AMPD3: variants seen among roughly 807,000 people sequenced by gnomAD.
The protein encoded by AMPD3 is AMP deaminase 3.
Under a neutral mutation model 82.3 loss-of-function variants are expected in AMPD3, and 57 were observed. The observed-to-expected ratio is 0.69, with a 90% CI of 0.56 to 0.86. The LOEUF (loss-of-function observed/expected upper bound fraction) is 0.86, where lower values mean the gene tolerates loss of function less well. AMPD3 is among the 40% of genes least tolerant of loss of function. The pLI, the probability that AMPD3 is intolerant of heterozygous loss-of-function variation, is 0.00. For missense variants in AMPD3, 870 were observed against 1,003.8 expected, an observed-to-expected ratio of 0.87 and a Z score of 1.80; for synonymous variants, 381 against 394.7, an observed-to-expected ratio of 0.97 and a Z score of 0.41.
chr11:10,505,956 T>G lies in AMPD3; in HGVS notation c.*72T>G. 6.4e-7 allele frequency: 1 copy of G among 1,571,618 alleles called. No individual in the cohort carries two copies. ...CTGCTGTGGCTAATAGTGGTCAAGA[T>G]TCCGAACTAGGACTTTCCTCTGTGA... On this transcript the variant is annotated 3_prime_UTR_variant, in exon 15 of 15. Transcript: ENST00000396553.
rs1369868784 is a variant in AMPD3, at chr11:10,455,294, C to G, written c.-160C>G. 3.0e-6 allele frequency: 3 copies of G among 985,346 alleles called. No individual in the cohort carries two copies. The highest frequency in any genetic ancestry group is 3.6e-6 in the Non-Finnish European group (3 of 829,978). 61.0% of individuals were successfully genotyped at this position (985,346 alleles called of 1,614,324 possible). A position where few individuals can be genotyped will look rare whatever the true frequency, so the allele number is the denominator to read the frequency against. ...CCTAAAGGGCAGATGAAGATCAGAG[C>G]TTTGCACCCTGTGATGCCATTTTAA... On this transcript the variant is annotated 5_prime_UTR_variant, in exon 1 of 15. Transcript: ENST00000396553.
At chr11:10,501,943 G>A in intron 12 of AMPD3, 1 of 985,188 alleles carries the variant, frequency 1.0e-6, no homozygotes, top group Non-Finnish European at 1.2e-6. Flanking sequence ...CCTTACTGTT[G>A]TATGACAAGC....
chr11:10,491,115 T>C (rs1215223857), intron 6 of AMPD3, among the ~76,000 whole-genome samples: 2 of 152,144 alleles, frequency 1.3e-5, no homozygotes, highest in Non-Finnish European at 1.5e-5. Flanking sequence ...GTCAGCCGCC[T>C]CCTCACCCCA....
At chr11:10,466,153 T>C (rs1035186316) in intron 2 of AMPD3, among the ~76,000 whole-genome samples, 1 of 152,010 alleles carries the variant, frequency 6.6e-6, no homozygotes, top group Non-Finnish European at 1.5e-5. Context: ...TCCCAGTTAC[T>C]TGGGAGGTTG....
chr11:10,450,698 C>T, upstream of AMPD3: 1 of 1,069,390 alleles, frequency 9.4e-7, no homozygotes, highest in Non-Finnish European at 1.1e-6. Context: ...CTCAAGTTTC[C>T]CGTTGGCGGC....
In AMPD3 at chr11:10,493,497, A is replaced by G; in HGVS notation, c.1088A>G (p.His363Arg). Residue 363 changes from histidine to arginine, a missense_variant, in exon 7 of 15, where the codon CAC becomes CGC. Transcript: ENST00000396553. ...ITLRQVFDGLHMDPYDLTVDS... is the reference protein window; with the variant it reads ...ITLRQVFDGLRMDPYDLTVDS... Reference sequence around the variant, plus strand: ...CTGCGGCAGGTGTTTGACGGCCTGCACATGGACCCCTACGACCTCACTGTG... The same window carrying G: ...CTGCGGCAGGTGTTTGACGGCCTGCGCATGGACCCCTACGACCTCACTGTG... The G allele has an allele frequency of 6.2e-7, 1 of 1,614,218 alleles. No individual in the cohort carries two copies. Among genetic ancestry groups the G allele is most frequent in the Non-Finnish European group, 8.5e-7 (1 of 1,180,036 alleles).
In AMPD3 at chr11:10,505,688, G is replaced by A. The variant is rs1297455219; in HGVS notation, c.2128-20G>A. ...GAATCAAAAGTATATAGTTTCATTTGTATTTCTCTTGGTCCACAGGAAAAG... is the reference window on the plus strand; with the variant it reads ...GAATCAAAAGTATATAGTTTCATTTATATTTCTCTTGGTCCACAGGAAAAG... On this transcript the variant is annotated intron_variant, in intron 14 of 14. Coordinates refer to ENST00000396553, the MANE Select transcript of AMPD3 (RefSeq NM_001025389.2). 6.2e-7 allele frequency: 1 copy of A among 1,612,100 alleles called. No individual in the cohort carries two copies. Among genetic ancestry groups the A allele is most frequent in the Non-Finnish European group, 8.5e-7 (1 of 1,179,918 alleles).
upstream of AMPD3, chr11:10,455,075 G>A: frequency 1.2e-6 from 1 of 860,204 alleles, no homozygotes; most frequent in Non-Finnish European, 1.4e-6. Flanking sequence ...TGGACATGCG[G>A]AGGTGACTCA....
chr11:10,458,582 A>G (rs1564837584), intron 1 of AMPD3, among the ~76,000 whole-genome samples: 1 of 152,148 alleles, frequency 6.6e-6, no homozygotes, highest in Non-Finnish European at 1.5e-5. Context: ...TTCACTGTAA[A>G]TAAAGCATGG....
chr11:10,505,321 G>T (rs1448366185), intron 14 of AMPD3: 4 of 985,250 alleles, frequency 4.1e-6, no homozygotes, highest in Non-Finnish European at 3.6e-6. Flanking sequence ...CTTTTCATGC[G>T]CAGTGTGGTG....
chr11:10,451,062 G>C (rs752881937), upstream of AMPD3: 4 of 1,571,368 alleles, frequency 2.5e-6, no homozygotes, highest in Admixed American at 1.7e-5. Flanking sequence ...GCGCGAGGCT[G>C]CGCTGCTGAC....
rs571359004 is a variant in AMPD3 at position 10,502,389 on chromosome 11, C to T, written c.1843-332C>T. On this transcript the variant is annotated intron_variant, in intron 12 of 14. Transcript: ENST00000396553. ...GGCATCTTCTAGACTGGGTCCGTGC[C>T]TAGGAGAAAGGAGCTGAAGGTGTAG... The T allele has an allele frequency of 3.0e-6, 3 of 985,472 alleles. No homozygotes were observed. The African/African-American group carries it at 5.2e-5, about 17-fold the overall frequency. The allele number at this position is 985,472 out of a possible 1,614,324, so 61.0% of individuals were successfully genotyped here.
At chr11:10,498,304 T>C (rs1158642204) in intron 10 of AMPD3, 1 of 152,376 alleles carries the variant, frequency 6.6e-6, no homozygotes, top group Non-Finnish European at 1.5e-5. Context: ...GTGCCTGGCT[T>C]TGCAGGAGCA....
chr11:10,477,064 T>C (rs1848762070), intron 2 of AMPD3: 1 of 985,360 alleles, frequency 1.0e-6, no homozygotes. Context: ...GCACTGGGTG[T>C]GTAAACACGG....
intron 1 of AMPD3, 63 bp from the exon 2 acceptor site, chr11:10,461,452 T>C: frequency 6.2e-7 from 1 of 1,611,798 alleles, no homozygotes; most frequent in Non-Finnish European, 8.5e-7. Context: ...TTCAGTGCCT[T>C]CTCTTCCCCG....
Position 10,504,585 on chromosome 11 carries a change from G to A in AMPD3, c.2053G>A (p.Val685Met), listed in dbSNP as rs772124788. 3.7e-6 allele frequency: 6 copies of A among 1,614,116 alleles called. No individual in the cohort carries two copies. The highest frequency in any genetic ancestry group is 8.5e-7 in the Non-Finnish European group (1 of 1,180,050). The change falls in exon 14 of 15, where the codon GTG (valine) becomes ATG (methionine). Residue 685 changes from valine to methionine, a missense_variant. Val to Met is a conservative substitution (Grantham distance 21, BLOSUM62 1). Coordinates refer to ENST00000396553, the MANE Select transcript of AMPD3 (RefSeq NM_001025389.2). The stretch of plus-strand genomic sequence containing the variant: ...GGAAGAATATGCCATTGCAGCTCAA[G>A]TGTGGAAGCTGAGCACCTGCGACCT... ...LMEEYAIAAQ[V>M]WKLSTCDLCE...
intron 6 of AMPD3, among the ~76,000 whole-genome samples, chr11:10,488,617 T>C (rs997397903): frequency 1.3e-5 from 2 of 151,900 alleles, no homozygotes; most frequent in African/African-American, 4.8e-5. Flanking sequence ...GCAGGGGCTG[T>C]GGGTTTCCCA....
At chr11:10,450,980 C>A (rs1413809805), upstream of AMPD3, 16 of 1,556,904 alleles carry the variant, frequency 1.0e-5, no homozygotes, top group Non-Finnish European at 1.4e-5. Flanking sequence ...CCAGCGCGTC[C>A]CCTTTGCTCC....
chr11:10,501,262 C>T, intron 11 of AMPD3: 1 of 985,356 alleles, frequency 1.0e-6, no homozygotes, highest in Non-Finnish European at 1.2e-6. Flanking sequence ...CCACTCTCTG[C>T]CCGTAGAGGT....
Sources: gnomAD v4.1 joint callset for allele counts (sites outside exome capture counted in the v4.1 genomes callset) on GRCh38, gnomAD v4.1.1 for gene constraint, MANE v1.5 for transcripts, NCBI Gene and HGNC (gene_info 2026-07-23, HGNC 2026-07-21) for gene names.